EVI5L: variants seen among roughly 807,000 people sequenced by gnomAD.
EVI5L encodes the protein ecotropic viral integration site 5 like, also known as EVI5-like protein.
EVI5L carries 30 observed loss-of-function variants against 106.1 expected under a neutral mutation model. The observed-to-expected ratio is 0.28, with a 90% CI of 0.21 to 0.38. The LOEUF (loss-of-function observed/expected upper bound fraction) is 0.38. Among genes scored for constraint, EVI5L ranks in the 10% least tolerant of loss-of-function variants. EVI5L has a pLI of 1.00. For synonymous variants in EVI5L, 489 were observed against 483.3 expected, an observed-to-expected ratio of 1.01 and a Z score of -0.15; for missense variants, 809 against 1,098.0, an observed-to-expected ratio of 0.74 and a Z score of 3.72.
intron 10 of EVI5L, among the ~76,000 whole-genome samples, chr19:7,854,281 CAAA>C (rs56186481): frequency 3.2e-5 from 3 of 94,718 alleles, no homozygotes; most frequent in Non-Finnish European, 2.1e-5. Flanking sequence ...GACTGTGTCT[CAAA>C]AAAAAAAAAA....
In EVI5L at chr19:7,851,428, C is replaced by A. The variant is rs1188700702; in HGVS notation, c.754-6C>A. On this transcript the variant is annotated splice_polypyrimidine_tract_variant and splice_region_variant and intron_variant, in intron 6 of 19. Coordinates refer to ENST00000538904, the MANE Select transcript of EVI5L (RefSeq NM_001159944.3). ...ACTGTGCCCACCCGGCCTCCCACCC[C>A]TGCAGGAGCAGCTCCCAGACCTCAA... The A allele has an allele frequency of 6.2e-7, 1 of 1,609,560 alleles. No individual in the cohort carries two copies. The highest frequency in any genetic ancestry group is 1.7e-5 in the Admixed American group (1 of 59,416).
rs1915904028 is a variant in EVI5L at position 7,835,207 on chromosome 19, G to A, written c.-48+4826G>A. ...AATACATCATACCCAAGGTTACAAA[G>A]ATAGAAAGTGGTAGAGGAGGCCAGG... is the stretch of plus-strand genomic sequence containing the variant. On this transcript the variant is annotated intron_variant, in intron 1 of 19. Transcript: ENST00000538904. This position sits in a 1 kb window ranked among gnomAD's most constrained non-coding sequence, Gnocchi z 4.1. Among the ~76,000 whole-genome samples, 1 of 150,436 alleles carries A rather than the reference G, an allele frequency of 6.6e-6. No homozygotes were observed. The highest frequency in any genetic ancestry group is 1.5e-5 in the Non-Finnish European group (1 of 67,422).
chr19:7,843,662 G>C (rs890905229), intron 1 of EVI5L, among the ~76,000 whole-genome samples: 2 of 148,696 alleles, frequency 1.3e-5, no homozygotes, highest in South Asian at 4.2e-4. Flanking sequence ...GCATGTGTGT[G>C]TATAGGTGTA....
chr19:7,861,335 C>G (rs938842464), intron 14 of EVI5L, among the ~76,000 whole-genome samples: 13 of 152,232 alleles, frequency 8.5e-5, no homozygotes, highest in Non-Finnish European at 1.6e-4. Flanking sequence ...GGACATGCTG[C>G]TAGATCTGTC....
At position 7,856,143 on chromosome 19, in the gene EVI5L, TG is replaced by T; in HGVS notation, c.1200+79del. 1 of 1,263,866 alleles carries T rather than the reference TG, an allele frequency of 7.9e-7. No homozygotes were observed. The highest frequency in any genetic ancestry group is 1.0e-6 in the Non-Finnish European group (1 of 978,626). The allele number at this position is 1,263,866 out of a possible 1,614,324, so 78.3% of individuals were successfully genotyped here. A position where few individuals can be genotyped will look rare whatever the true frequency, so the allele number is the denominator to read the frequency against. ...ACCATGCGGGGCATGGCCGCTAACC[TG>T]GGGTGGACTCCTCCAAGTCTTCTCC... On this transcript the variant is annotated intron_variant, in intron 11 of 19. Coordinates refer to ENST00000538904, the MANE Select transcript of EVI5L (RefSeq NM_001159944.3). The surrounding 1 kb of genome is among the most constrained non-coding windows in gnomAD (Gnocchi z 6.6).
rs111906912 is a variant in EVI5L at position 7,860,738 on chromosome 19, A to C, written c.1503+49A>C. On this transcript the variant is annotated intron_variant, in intron 14 of 19. Transcript: ENST00000538904. ...AGGTGTCGGGGGGACCCTGGGGCAC[A>C]GGAGGGGTCCTGGATAAGCTTTGGG... The C allele has an allele frequency of 1.3e-3, 2,015 of 1,519,480 alleles. 25 individuals carry two copies. In the African/African-American group the frequency reaches 0.023, roughly 18 times the overall value. 94.1% of individuals were successfully genotyped at this position (1,519,480 alleles called of 1,614,324 possible).
At chr19:7,831,698 C>T (rs1377859962) in intron 1 of EVI5L, among the ~76,000 whole-genome samples, 2 of 152,246 alleles carry the variant, frequency 1.3e-5, no homozygotes, top group Non-Finnish European at 2.9e-5. Context: ...TTATGCCACC[C>T]CCTGGCGGGA....
In EVI5L at chr19:7,858,043, G is replaced by A. The variant is rs1979616668; in HGVS notation, c.1234-148G>A. On this transcript the variant is annotated intron_variant, in intron 12 of 19. Coordinates refer to ENST00000538904, the MANE Select transcript of EVI5L (RefSeq NM_001159944.3). This position sits in a 1 kb window ranked among gnomAD's most constrained non-coding sequence, Gnocchi z 5.7. ...CCCACGTCCCCAGGCCCAGTGGGAC[G>A]CTCATCCCAGGCTCTGAGTACGGGA... 4 of 906,308 alleles carry A rather than the reference G, an allele frequency of 4.4e-6. No homozygotes were observed. The highest frequency in any genetic ancestry group is 6.5e-6 in the Non-Finnish European group (4 of 611,220). 56.1% of individuals were successfully genotyped at this position (906,308 alleles called of 1,614,324 possible).
At chr19:7,846,392 G>A in intron 1 of EVI5L, 104 bp from the exon 2 acceptor site, 3 of 1,079,454 alleles carry the variant, frequency 2.8e-6, no homozygotes, top group Non-Finnish European at 3.9e-6. Flanking sequence ...GACGGGGGTG[G>A]ACCAGAGGCA....
At chr19:7,846,740 G>C in intron 2 of EVI5L, 61 bp downstream of exon 2, 1 of 1,563,424 alleles carries the variant, frequency 6.4e-7, no homozygotes. Flanking sequence ...CCCCACAGGA[G>C]TTCCCAGGTG....
intron 10 of EVI5L, among the ~76,000 whole-genome samples, chr19:7,855,208 C>T (rs377501148): frequency 2.6e-5 from 4 of 151,634 alleles, no homozygotes; most frequent in Admixed American, 6.6e-5. Context: ...CCCCTGCTCC[C>T]GGGTTCAAGT....
Position 7,856,486 on chromosome 19 carries a change from G to T in EVI5L, c.1200+418G>T, listed in dbSNP as rs1422330664. Among the ~76,000 whole-genome samples the T allele has an allele frequency of 6.6e-6, 1 of 152,062 alleles. No homozygotes were observed. Among genetic ancestry groups the T allele is most frequent in the Admixed American group, 6.5e-5 (1 of 15,282 alleles). Reference sequence around the variant, plus strand: ...GGAAAGGAAACCCAGTGGAGGAGAAGCGTGGCGCCATGGTGGGGAGCCACA... The same window carrying T: ...GGAAAGGAAACCCAGTGGAGGAGAATCGTGGCGCCATGGTGGGGAGCCACA... On this transcript the variant is annotated intron_variant, in intron 11 of 19. Transcript: ENST00000538904. This position sits in a 1 kb window ranked among gnomAD's most constrained non-coding sequence, Gnocchi z 6.6.
intron 10 of EVI5L, 37 bp downstream of exon 10, chr19:7,853,370 G>T: frequency 6.3e-7 from 1 of 1,588,846 alleles, no homozygotes; most frequent in Non-Finnish European, 8.6e-7. Context: ...ACAGGGATGG[G>T]AGGCCTTTGG....
At chr19:7,834,198 A>C (rs527874671) in intron 1 of EVI5L, among the ~76,000 whole-genome samples, 40 of 152,146 alleles carry the variant, frequency 2.6e-4, no homozygotes, top group African/African-American at 8.9e-4. Context: ...AATACAAAAA[A>C]ATTAGCAGGG....
intron 1 of EVI5L, among the ~76,000 whole-genome samples, chr19:7,846,137 T>C (rs1978937751): frequency 6.6e-6 from 1 of 152,162 alleles, no homozygotes; most frequent in Non-Finnish European, 1.5e-5. Context: ...GCAGGGTCCA[T>C]GGAGCCCCGA....
At chr19:7,830,926 C>A (rs1456788201) in intron 1 of EVI5L, among the ~76,000 whole-genome samples, 2 of 149,718 alleles carry the variant, frequency 1.3e-5, no homozygotes, top group East Asian at 4.0e-4. Context: ...TACCCGCCCC[C>A]CATGCTGACC....
At chr19:7,831,795 A>G (rs947375516) in intron 1 of EVI5L, among the ~76,000 whole-genome samples, 1 of 152,266 alleles carries the variant, frequency 6.6e-6, no homozygotes, top group Admixed American at 6.5e-5. Context: ...CTCAAATGCC[A>G]GAGCCAGCAG....
In EVI5L at chr19:7,861,953, G is replaced by T; in HGVS notation, c.1579G>T (p.Gly527Cys). ...EELKALKVRE[G>C]QAVASTRELK... is the part of the protein sequence containing the mutation. Reference sequence around the variant, plus strand: ...GCTGAAGGCGCTCAAGGTGCGGGAAGGCCAGGCGGTGGCCTCGACGCGAGA... The same window carrying T: ...GCTGAAGGCGCTCAAGGTGCGGGAATGCCAGGCGGTGGCCTCGACGCGAGA... Residue 527 changes from glycine (G) to cysteine (C), a missense_variant, in exon 15 of 20, where the codon GGC (glycine) becomes TGC (cysteine). This residue lies in a region of EVI5L where 452 missense variants were observed against 509.9 expected (regional missense o/e 0.89). Transcript: ENST00000538904. The T allele has an allele frequency of 6.5e-7, 1 of 1,550,104 alleles. No homozygotes were observed. Among genetic ancestry groups the T allele is most frequent in the Non-Finnish European group, 8.7e-7 (1 of 1,146,920 alleles).
intron 1 of EVI5L, among the ~76,000 whole-genome samples, chr19:7,840,332 G>A (rs548808010): frequency 6.6e-6 from 1 of 152,274 alleles, no homozygotes; most frequent in African/African-American, 2.4e-5. Context: ...TACAAAATTA[G>A]CCAGGCATGG....
Sources: allele counts gnomAD v4.1 joint callset (sites outside exome capture counted in the v4.1 genomes callset), GRCh38; gene constraint gnomAD v4.1.1; regional missense constraint gnomAD v4.1.1; non-coding constraint Gnocchi (gnomAD v3.1); transcripts MANE v1.5; gene names NCBI Gene and HGNC (gene_info 2026-07-23, HGNC 2026-07-21).